Variants in CNTN4 observed in about 807,000 individuals in gnomAD.
CNTN4 encodes contactin-4.
In CNTN4, 77 loss-of-function variants were observed where a neutral mutation model predicts 122.5. That is an observed-to-expected ratio of 0.63 (90% CI 0.52 to 0.76). The LOEUF is 0.76. Ranked by LOEUF, CNTN4 falls within the 30% of genes least tolerant of loss-of-function variation. The pLI is 0.00. For synonymous variants in CNTN4, 512 were observed against 447.0 expected, an observed-to-expected ratio of 1.15 and a Z score of -1.83; for missense variants, 1,256 against 1,259.1, an observed-to-expected ratio of 1.00 and a Z score of 0.04.
intron 9 of CNTN4, among the ~76,000 whole-genome samples, chr3:2,886,485 AT>A (rs1559620422): frequency 6.6e-6 from 1 of 151,388 alleles, no homozygotes. Context: ...TTTTATTTCA[AT>A]GATGATATTG....
At chr3:2,679,115 GC>G (rs2085029841) in intron 4 of CNTN4, among the ~76,000 whole-genome samples, 1 of 152,072 alleles carries the variant, frequency 6.6e-6, no homozygotes, top group African/African-American at 2.4e-5. Context: ...ATCTTAATCA[GC>G]CGTTTTCCAT....
intron 4 of CNTN4, among the ~76,000 whole-genome samples, chr3:2,636,305 C>G (rs570258330): frequency 6.6e-6 from 1 of 152,160 alleles, no homozygotes; most frequent in Non-Finnish European, 1.5e-5. Flanking sequence ...GTACTTCATC[C>G]CCTCTCTTCT....
At chr3:2,896,420 G>A (rs2094115720) in intron 10 of CNTN4, among the ~76,000 whole-genome samples, 2 of 152,236 alleles carry the variant, frequency 1.3e-5, no homozygotes, top group African/African-American at 2.4e-5. Flanking sequence ...TGTGGGGAGT[G>A]GATGAGAGTC....
At chr3:2,935,279 T>A (rs546194564) in intron 13 of CNTN4, among the ~76,000 whole-genome samples, 1 of 152,200 alleles carries the variant, frequency 6.6e-6, no homozygotes, top group South Asian at 2.1e-4. Context: ...GACATATATA[T>A]GGAATTTGTA....
At chr3:2,423,161 C>A (rs981302214) in intron 3 of CNTN4, among the ~76,000 whole-genome samples, 4 of 152,220 alleles carry the variant, frequency 2.6e-5, no homozygotes, top group African/African-American at 9.6e-5. Flanking sequence ...TCCTAAGAAG[C>A]TTTTGTGTAA....
chr3:2,518,574 T>C (rs1377919686), intron 3 of CNTN4, among the ~76,000 whole-genome samples: 1 of 152,146 alleles, frequency 6.6e-6, no homozygotes, highest in African/African-American at 2.4e-5. Flanking sequence ...ATGAAATAAA[T>C]ACCTCTGGTA....
intron 2 of CNTN4, among the ~76,000 whole-genome samples, chr3:2,261,307 A>G (rs1340350720): frequency 6.6e-6 from 1 of 152,186 alleles, no homozygotes; most frequent in East Asian, 1.9e-4. Context: ...ACAATGTCAT[A>G]CACGTTGGTT....
At chr3:2,344,022 A>ACAGC (rs1417239830) in intron 3 of CNTN4, among the ~76,000 whole-genome samples, 2 of 152,106 alleles carry the variant, frequency 1.3e-5, no homozygotes. Flanking sequence ...ATGAACTAAT[A>ACAGC]CAGCAGGAAT....
intron 12 of CNTN4, among the ~76,000 whole-genome samples, chr3:2,922,887 A>C (rs1490798212): frequency 2.0e-5 from 3 of 152,190 alleles, no homozygotes; most frequent in Admixed American, 2.0e-4. Context: ...CTGGGATTAC[A>C]GACATGAGCC....
At chr3:2,660,458 G>C (rs1169192370) in intron 4 of CNTN4, among the ~76,000 whole-genome samples, 1 of 152,114 alleles carries the variant, frequency 6.6e-6, no homozygotes, top group African/African-American at 2.4e-5. Context: ...AATTTTCTCT[G>C]CTTTTTTGAA....
At chr3:3,045,625 C>A (rs1435337652) in intron 23 of CNTN4, among the ~76,000 whole-genome samples, 2 of 152,208 alleles carry the variant, frequency 1.3e-5, no homozygotes, top group Non-Finnish European at 2.9e-5. Flanking sequence ...AAAACCCCAT[C>A]TGTACGTCAC....
chr3:2,934,254 C>T (rs530459704), intron 13 of CNTN4, among the ~76,000 whole-genome samples: 7 of 152,302 alleles, frequency 4.6e-5, no homozygotes, highest in Admixed American at 3.3e-4. Context: ...CTGACCCCTG[C>T]AGTGTAATCA....
chr3:2,934,762 T>C (rs2094553475), intron 13 of CNTN4, among the ~76,000 whole-genome samples: 1 of 152,358 alleles, frequency 6.6e-6, no homozygotes, highest in South Asian at 2.1e-4. Flanking sequence ...TTAGAGGCAG[T>C]TCATCTCCAT....
chr3:2,954,389 C>G (rs1258964169), intron 13 of CNTN4, among the ~76,000 whole-genome samples: 1 of 152,196 alleles, frequency 6.6e-6, no homozygotes, highest in South Asian at 2.1e-4. Context: ...GACAGTATGT[C>G]TGGTCTTTCT....
At chr3:2,230,863 C>T (rs2039458900) in intron 2 of CNTN4, among the ~76,000 whole-genome samples, 1 of 152,004 alleles carries the variant, frequency 6.6e-6, no homozygotes, top group Admixed American at 6.6e-5. Context: ...TGGTGCACGC[C>T]TCTAGTCCCA....
At chr3:3,038,437 A>G (rs955059504) in intron 18 of CNTN4, among the ~76,000 whole-genome samples, 4 of 151,942 alleles carry the variant, frequency 2.6e-5, no homozygotes, top group African/African-American at 9.7e-5. Flanking sequence ...GCAGGGCGCT[A>G]CTCCGGAACG....
chr3:2,400,320 C>G (rs2046792509), intron 3 of CNTN4, among the ~76,000 whole-genome samples: 1 of 148,814 alleles, frequency 6.7e-6, no homozygotes, highest in African/African-American at 2.5e-5. Flanking sequence ...CACAAACATA[C>G]ACACACATAT....
At chr3:2,961,112 C>T (rs1183083914) in intron 13 of CNTN4, among the ~76,000 whole-genome samples, 17 of 141,668 alleles carry the variant, frequency 1.2e-4, no homozygotes, top group Admixed American at 4.3e-4. Context: ...CGCCTGTAGT[C>T]CCAGCTACTC....
chr3:2,207,039 T>TA (rs559134011), intron 2 of CNTN4, among the ~76,000 whole-genome samples: 47 of 152,212 alleles, frequency 3.1e-4, no homozygotes, highest in Non-Finnish European at 5.3e-4. Flanking sequence ...ATTATATTGT[T>TA]ACAGTGATTT....
Sources: gnomAD v4.1 joint callset for allele counts (sites outside exome capture counted in the v4.1 genomes callset) on GRCh38, gnomAD v4.1.1 for gene constraint, MANE v1.5 for transcripts, NCBI Gene and HGNC (gene_info 2026-07-23, HGNC 2026-07-21) for gene names.